ZBTB38: variants seen among roughly 807,000 people sequenced by gnomAD.
ZBTB38 encodes the protein zinc finger and BTB domain-containing protein 38.
A neutral mutation model predicts 76.8 loss-of-function variants in ZBTB38; 20 were observed. That is an observed-to-expected ratio of 0.26 (90% CI 0.18 to 0.38). The LOEUF is 0.38. ZBTB38 is among the 10% of genes least tolerant of loss of function. The pLI, the probability that ZBTB38 is intolerant of heterozygous loss-of-function variation, is 1.00. For missense variants in ZBTB38, 1,082 were observed against 1,482.3 expected, an observed-to-expected ratio of 0.73 and a Z score of 4.43; for synonymous variants, 504 against 544.2, an observed-to-expected ratio of 0.93 and a Z score of 1.03.
chr3:141,399,987 C>CTTTTTT (rs557587979), intron 4 of ZBTB38, among the ~76,000 whole-genome samples: 35 of 80,456 alleles, frequency 4.4e-4, no homozygotes, highest in East Asian at 1.2e-3. Context: ...GAAAGTCTTG[C>CTTTTTT]TTTTTTTTTT....
At chr3:141,346,039 G>A (rs758975055) in intron 1 of ZBTB38, among the ~76,000 whole-genome samples, 3 of 152,146 alleles carry the variant, frequency 2.0e-5, no homozygotes, top group Non-Finnish European at 4.4e-5. Context: ...TACCTACTGG[G>A]CTCCACTGCT....
intron 5 of ZBTB38, among the ~76,000 whole-genome samples, chr3:141,440,734 A>G (rs1252882292): frequency 1.3e-5 from 2 of 152,112 alleles, no homozygotes; most frequent in East Asian, 3.9e-4. Context: ...GAGTTGCTGT[A>G]AGCATTCTTT....
At chr3:141,393,731 G>T (rs552254963) in intron 4 of ZBTB38, among the ~76,000 whole-genome samples, 1 of 152,220 alleles carries the variant, frequency 6.6e-6, no homozygotes, top group South Asian at 2.1e-4. Flanking sequence ...GCTCTGCTGC[G>T]CCATGGAGCT....
At chr3:141,360,552 T>C (rs1943789963) in intron 1 of ZBTB38, among the ~76,000 whole-genome samples, 1 of 152,220 alleles carries the variant, frequency 6.6e-6, no homozygotes, top group Admixed American at 6.5e-5. Context: ...TGAACATGTA[T>C]TATTTTTGAA....
At chr3:141,325,336 A>G (rs1942641331) in intron 1 of ZBTB38, among the ~76,000 whole-genome samples, 2 of 152,342 alleles carry the variant, frequency 1.3e-5, no homozygotes, top group Admixed American at 6.5e-5. Context: ...TTTTTTTAGT[A>G]TCAGTCTTTC....
chr3:141,428,771 C>T (rs1206202043), intron 5 of ZBTB38, among the ~76,000 whole-genome samples: 10 of 152,216 alleles, frequency 6.6e-5, no homozygotes, highest in African/African-American at 1.7e-4. Context: ...CCAAGGCGCC[C>T]GGCCAGTATT....
At chr3:141,441,910 T>G (rs2080339292) in intron 5 of ZBTB38, among the ~76,000 whole-genome samples, 1 of 150,784 alleles carries the variant, frequency 6.6e-6, no homozygotes. Context: ...AGCGAGACTT[T>G]GTCTCAAAAA....
At chr3:141,402,391 G>C (rs996772714) in intron 4 of ZBTB38, 9 of 151,618 alleles carry the variant, frequency 5.9e-5, no homozygotes, top group Admixed American at 2.6e-4. Context: ...CGGACTCACG[G>C]GTCCGGAAGC....
At chr3:141,401,645 A>T in intron 4 of ZBTB38, among the ~76,000 whole-genome samples, 1 of 149,408 alleles carries the variant, frequency 6.7e-6, no homozygotes. Context: ...TAAGAATAAG[A>T]CTCTACTGTC....
intron 5 of ZBTB38, among the ~76,000 whole-genome samples, chr3:141,404,558 T>A (rs1289703056): frequency 6.6e-6 from 1 of 152,136 alleles, no homozygotes; most frequent in African/African-American, 2.4e-5. Flanking sequence ...CCCAGCACAC[T>A]AAGCTCTACC....
chr3:141,410,879 C>T (rs759171452), intron 5 of ZBTB38, among the ~76,000 whole-genome samples: 23 of 152,274 alleles, frequency 1.5e-4, no homozygotes, highest in Admixed American at 9.8e-4. Context: ...TTTCTGGCCA[C>T]TACTGTGAGT....
chr3:141,433,391 C>T (rs893490821), intron 5 of ZBTB38, among the ~76,000 whole-genome samples: 1 of 151,494 alleles, frequency 6.6e-6, no homozygotes, highest in Non-Finnish European at 1.5e-5. Context: ...GACTCCCTTA[C>T]ACTCTTACAG....
chr3:141,418,043 C>T (rs1000523767), intron 5 of ZBTB38, among the ~76,000 whole-genome samples: 1 of 152,040 alleles, frequency 6.6e-6, no homozygotes, highest in Non-Finnish European at 1.5e-5. Flanking sequence ...ATAAAAAGCC[C>T]AATACTCAGG....
chr3:141,362,936 T>A (rs959431365), intron 1 of ZBTB38, among the ~76,000 whole-genome samples: 2 of 152,152 alleles, frequency 1.3e-5, no homozygotes, highest in African/African-American at 4.8e-5. Context: ...TGAATAGGGT[T>A]ACATATGCAT....
chr3:141,434,887 C>G (rs559030738), intron 5 of ZBTB38, among the ~76,000 whole-genome samples: 6 of 152,090 alleles, frequency 3.9e-5, no homozygotes, highest in Non-Finnish European at 8.8e-5. Context: ...AATCCAAGCA[C>G]TTTGGGAGGC....
intron 4 of ZBTB38, among the ~76,000 whole-genome samples, chr3:141,397,433 C>T (rs1950597448): frequency 6.6e-6 from 1 of 152,152 alleles, no homozygotes; most frequent in South Asian, 2.1e-4. Context: ...ATAAGGCTTT[C>T]TTATCATTTC....
At chr3:141,424,389 C>T (rs1224732628) in intron 5 of ZBTB38, among the ~76,000 whole-genome samples, 1 of 151,936 alleles carries the variant, frequency 6.6e-6, no homozygotes, top group Non-Finnish European at 1.5e-5. Context: ...GGCATGTTAG[C>T]GGGCACCTGT....
chr3:141,427,837 TGTG>T (rs1397388610), intron 5 of ZBTB38: 3 of 152,296 alleles, frequency 2.0e-5, no homozygotes, highest in African/African-American at 7.2e-5. Context: ...CCTACATCCT[TGTG>T]GTGGGGGAGG....
At position 141,443,815 on chromosome 3, in the gene ZBTB38, G is replaced by A; in HGVS notation, c.1427G>A (p.Arg476Gln). The A allele has an allele frequency of 3.1e-6, 5 of 1,613,886 alleles. No individual in the cohort carries two copies. Among genetic ancestry groups the A allele is most frequent in the Non-Finnish European group, 3.4e-6 (4 of 1,180,012 alleles). ...KRSYVTLSSL[R>Q]RHANVHSWRR... ...AGTTATGTGACCTTATCTAGCCTCCGAAGACATGCAAATGTTCACTCCTGG... is the reference window on the plus strand; with the variant it reads ...AGTTATGTGACCTTATCTAGCCTCCAAAGACATGCAAATGTTCACTCCTGG... The change falls in exon 6 of 6, where the codon CGA becomes CAA. Residue 476 changes from arginine (R) to glutamine (Q), a missense_variant. By Grantham distance (43) the Arg-to-Gln change is conservative. Transcript: ENST00000321464. This position sits in a 1 kb window ranked among gnomAD's most constrained non-coding sequence, Gnocchi z 5.6.
Sources: allele counts gnomAD v4.1 joint callset (sites outside exome capture counted in the v4.1 genomes callset), GRCh38; gene constraint gnomAD v4.1.1; non-coding constraint Gnocchi (gnomAD v3.1); transcripts MANE v1.5; gene names NCBI Gene and HGNC (gene_info 2026-07-23, HGNC 2026-07-21).